The following RTN4RL1 variants were observed in gnomAD, a reference collection of about 807,000 sequenced individuals.
RTN4RL1 encodes the protein reticulon 4 receptor like 1.
RTN4RL1 carries 7 observed loss-of-function variants against 25.6 expected under a neutral mutation model. The ratio of observed to expected loss-of-function variants is 0.27; its 90% CI spans 0.16 to 0.51. RTN4RL1 has a LOEUF of 0.51. Among genes scored for constraint, RTN4RL1 ranks in the 20% least tolerant of loss-of-function variants. The pLI is 0.97. For synonymous variants in RTN4RL1, 297 were observed against 288.2 expected, an observed-to-expected ratio of 1.03 and a Z score of -0.31; for missense variants, 500 against 615.6, an observed-to-expected ratio of 0.81 and a Z score of 1.99.
At position 1,936,635 on chromosome 17, in the gene RTN4RL1, G is replaced by C; in HGVS notation, c.1187C>G (p.Ala396Gly). The change falls in exon 2 of 2, where the codon GCC (alanine) becomes GGC (glycine). Residue 396 changes from alanine to glycine, a missense_variant. By Grantham distance (60) the Ala-to-Gly change is moderately conservative (BLOSUM62 0). This residue lies in a region of RTN4RL1 where 268 missense variants were observed against 274.5 expected (regional missense o/e 0.98). Transcript: ENST00000331238. The part of the protein sequence containing the change: ...HKFSFDIMPT[A>G]RPKRKGKCAR... ...ACACTTGCCCTTCCTCTTGGGCCGG[G>C]CCGTAGGCATGATGTCAAAACTGAA... The C allele has an allele frequency of 6.3e-7, 1 of 1,595,300 alleles. No individual in the cohort carries two copies. Among genetic ancestry groups the C allele is most frequent in the Non-Finnish European group, 8.5e-7 (1 of 1,171,654 alleles).
At chr17:2,003,493 AG>A (rs1313118180) in intron 1 of RTN4RL1, 2 of 152,294 alleles carry the variant, frequency 1.3e-5, no homozygotes, top group Admixed American at 1.3e-4. Context: ...CGGCTCCGGG[AG>A]GCCTTGCTCT....
chr17:1,944,654 G>A (rs895229591), intron 1 of RTN4RL1, among the ~76,000 whole-genome samples: 18 of 151,750 alleles, frequency 1.2e-4, no homozygotes, highest in South Asian at 2.1e-4. Context: ...ACGGTGTTTC[G>A]TCATGTTGGC....
chr17:1,964,604 C>T lies in RTN4RL1; in HGVS notation c.14-26796G>A, dbSNP rs568662487. Among the ~76,000 whole-genome samples, 80 of 151,250 alleles carry T rather than the reference C, an allele frequency of 5.3e-4. 2 individuals are homozygous for T. In the South Asian group the frequency reaches 0.013, roughly 26 times the overall value. Reference sequence around the variant, plus strand: ...AACATTAGCCGGGCGTGGTGGCGGGCGCCTGTAGTCCCAGCTACTCGGGAG... The same window carrying T: ...AACATTAGCCGGGCGTGGTGGCGGGTGCCTGTAGTCCCAGCTACTCGGGAG... On this transcript the variant is annotated intron_variant, in intron 1 of 1. Coordinates refer to ENST00000331238, the MANE Select transcript of RTN4RL1 (RefSeq NM_178568.4).
chr17:1,951,145 G>C (rs1170473775), intron 1 of RTN4RL1, among the ~76,000 whole-genome samples: 1 of 151,264 alleles, frequency 6.6e-6, no homozygotes, highest in Admixed American at 6.6e-5. Flanking sequence ...GGTACCTGTA[G>C]TCCCAGCTAC....
intron 1 of RTN4RL1, among the ~76,000 whole-genome samples, chr17:1,960,454 G>A (rs911099205): frequency 1.5e-4 from 23 of 152,164 alleles, no homozygotes; most frequent in Admixed American, 7.2e-4. Context: ...CTCCAGCCCC[G>A]TCCTGCGCCA....
At chr17:1,980,756 C>T (rs1423227320) in intron 1 of RTN4RL1, among the ~76,000 whole-genome samples, 3 of 151,268 alleles carry the variant, frequency 2.0e-5, no homozygotes, top group South Asian at 2.1e-4. Context: ...GGAGAAACCC[C>T]GTCTCTACTA....
chr17:1,988,793 A>G (rs1219825667), intron 1 of RTN4RL1, among the ~76,000 whole-genome samples: 1 of 151,262 alleles, frequency 6.6e-6, no homozygotes, highest in Non-Finnish European at 1.5e-5. Flanking sequence ...AAGGGTAGGA[A>G]TTGTCCAGGT....
At chr17:1,946,904 G>A (rs1413874603) in intron 1 of RTN4RL1, among the ~76,000 whole-genome samples, 1 of 143,618 alleles carries the variant, frequency 7.0e-6, no homozygotes, top group Non-Finnish European at 1.5e-5. Flanking sequence ...GTGTGTCTGT[G>A]TATGCACGTG....
chr17:1,948,741 G>A (rs568155017), intron 1 of RTN4RL1, among the ~76,000 whole-genome samples: 1 of 152,116 alleles, frequency 6.6e-6, no homozygotes, highest in Non-Finnish European at 1.5e-5. Flanking sequence ...GCCTGCCTGG[G>A]GGTCCAGGAG....
chr17:2,023,219 A>G (rs1192719457), intron 1 of RTN4RL1, among the ~76,000 whole-genome samples: 1 of 152,210 alleles, frequency 6.6e-6, no homozygotes, highest in Non-Finnish European at 1.5e-5. Flanking sequence ...TGCACGCTCC[A>G]GGCCCAAGTT....
At chr17:2,018,421 A>G (rs2033607713) in intron 1 of RTN4RL1, among the ~76,000 whole-genome samples, 1 of 152,192 alleles carries the variant, frequency 6.6e-6, no homozygotes, top group Admixed American at 6.5e-5. Context: ...AGGAGAGGAC[A>G]TATGAGACAG....
At chr17:1,954,351 C>T (rs1915744571) in intron 1 of RTN4RL1, among the ~76,000 whole-genome samples, 2 of 151,196 alleles carry the variant, frequency 1.3e-5, no homozygotes, top group Admixed American at 6.6e-5. Flanking sequence ...CCTTTCCTTT[C>T]CTTTCCCTTC....
chr17:1,977,324 G>GCCACCCCAAGGTCGTT (rs1321955293), intron 1 of RTN4RL1, among the ~76,000 whole-genome samples: 1 of 152,138 alleles, frequency 6.6e-6, no homozygotes, highest in Non-Finnish European at 1.5e-5. Flanking sequence ...CCACCCCACG[G>GCCACCCCAAGGTCGTT]CCACCCCAAG....
intron 1 of RTN4RL1, among the ~76,000 whole-genome samples, chr17:2,022,013 T>C (rs1346973730): frequency 2.0e-5 from 3 of 151,538 alleles, no homozygotes; most frequent in African/African-American, 4.8e-5. Context: ...TGTATGCCAC[T>C]GCAAATTTTT....
At chr17:1,970,940 T>G (rs1263492556) in intron 1 of RTN4RL1, among the ~76,000 whole-genome samples, 1 of 152,194 alleles carries the variant, frequency 6.6e-6, no homozygotes, top group Non-Finnish European at 1.5e-5. Flanking sequence ...CTACACATAA[T>G]CACTCACACT....
chr17:1,978,361 G>T (rs1293250175), intron 1 of RTN4RL1, among the ~76,000 whole-genome samples: 2 of 152,230 alleles, frequency 1.3e-5, no homozygotes, highest in Non-Finnish European at 2.9e-5. Flanking sequence ...CCAGGACCTG[G>T]GCTCTGCTTT....
intron 1 of RTN4RL1, among the ~76,000 whole-genome samples, chr17:1,991,287 G>T (rs1383190150): frequency 1.3e-5 from 2 of 152,016 alleles, no homozygotes; most frequent in Admixed American, 1.3e-4. Context: ...TTGTAGGGAG[G>T]GAGAGGAGCT....
chr17:1,999,219 G>A (rs1015810953), intron 1 of RTN4RL1, among the ~76,000 whole-genome samples: 1 of 150,566 alleles, frequency 6.6e-6, no homozygotes, highest in Non-Finnish European at 1.5e-5. Flanking sequence ...AGGCGGAGGC[G>A]GGCGGATCAC....
At chr17:2,014,340 G>A (rs2067091623) in intron 1 of RTN4RL1, among the ~76,000 whole-genome samples, 3 of 152,272 alleles carry the variant, frequency 2.0e-5, no homozygotes, top group Admixed American at 2.0e-4. Flanking sequence ...ATCGCAACAA[G>A]GAAGGCTGAG....
Sources: gnomAD v4.1 joint callset for allele counts (sites outside exome capture counted in the v4.1 genomes callset) on GRCh38, gnomAD v4.1.1 for gene constraint, gnomAD v4.1.1 regional missense constraint, MANE v1.5 for transcripts, NCBI Gene and HGNC (gene_info 2026-07-23, HGNC 2026-07-21) for gene names.